The following MNS1 variants were observed in gnomAD, a reference collection of about 807,000 sequenced individuals.
MNS1 encodes the protein meiosis-specific nuclear structural protein 1.
A neutral mutation model predicts 72.0 loss-of-function variants in MNS1; 63 were observed. That is an observed-to-expected ratio of 0.87 (90% confidence interval 0.71 to 1.08). The LOEUF (loss-of-function observed/expected upper bound fraction) is 1.08. Among genes scored for constraint, MNS1 ranks in the 50% least tolerant of loss-of-function variants. The pLI is 0.00. For missense variants in MNS1, 604 were observed against 562.4 expected, an observed-to-expected ratio of 1.07 and a Z score of -0.75; for synonymous variants, 188 against 172.1, an observed-to-expected ratio of 1.09 and a Z score of -0.72.
intron 7 of MNS1, among the ~76,000 whole-genome samples, chr15:56,439,541 A>G (rs2050784009): frequency 1.3e-5 from 2 of 152,266 alleles, no homozygotes; most frequent in Admixed American, 6.5e-5. Flanking sequence ...AGAACAAAAT[A>G]GAGACCACAG....
At chr15:56,429,360 T>C (rs12439673) in intron 9 of MNS1, 167 bp from the exon 10 acceptor site, 25,868 of 547,308 alleles carry the variant, frequency 0.047, 825 homozygotes, top group Admixed American at 0.1. Flanking sequence ...AAAATAAGAC[T>C]TTACATATAT....
In MNS1 at chr15:56,456,480, T is replaced by A; in HGVS notation, c.267A>T (p.Gln89His). The A allele has an allele frequency of 1.2e-6, 2 of 1,612,472 alleles. No homozygotes were observed. The highest frequency in any genetic ancestry group is 1.3e-5 in the African/African-American group (1 of 74,964). ...CCAATTCCATAGCCAGTTTTTCTTC[T>A]TGTTTGAGCTGGAGTTCTTTCAATC... Reference protein sequence around the residue: ...NKRLKELQLKQEEKLAMELAK... With the variant: ...NKRLKELQLKHEEKLAMELAK... The change falls in exon 3 of 10, where the codon CAA becomes CAT. Residue 89 changes from glutamine (Q) to histidine (H), a missense_variant. By Grantham distance (24) the Gln-to-His change is conservative. Transcript: ENST00000260453.
intron 2 of MNS1, among the ~76,000 whole-genome samples, chr15:56,461,266 C>T (rs1351450869): frequency 1.3e-5 from 2 of 151,786 alleles, no homozygotes; most frequent in Non-Finnish European, 2.9e-5. Context: ...CTAGAAACCC[C>T]AAGGCCCAGT....
chr15:56,433,525 A>G (rs1439544141), intron 8 of MNS1, among the ~76,000 whole-genome samples: 3 of 152,160 alleles, frequency 2.0e-5, no homozygotes. Context: ...AGCCCCATCA[A>G]TTCCGTATCC....
chr15:56,452,320 A>C (rs2050952732), intron 3 of MNS1, among the ~76,000 whole-genome samples: 1 of 152,152 alleles, frequency 6.6e-6, no homozygotes, highest in African/African-American at 2.4e-5. Flanking sequence ...AACACACAGG[A>C]CACGCTTAAT....
chr15:56,463,767 G>A lies in MNS1; in HGVS notation c.225+259C>T, dbSNP rs1163493672. 9 of 402,302 alleles carry A rather than the reference G, an allele frequency of 2.2e-5. No individual in the cohort carries two copies. The East Asian group carries it at 2.8e-4, about 12-fold the overall frequency. 24.9% of individuals were successfully genotyped at this position (402,302 alleles called of 1,614,324 possible). A position where few individuals can be genotyped will look rare whatever the true frequency, so the allele number is the denominator to read the frequency against. On this transcript the variant is annotated intron_variant, in intron 2 of 9. Transcript: ENST00000260453. ...ACTGCACTGCAACCTGGGCGACAGA[G>A]CAAGACTCCATCCAAAAAAAAAAAA...
At chr15:56,456,553 C>G in intron 2 of MNS1, 32 bp from the exon 3 acceptor site, 2 of 1,591,040 alleles carry the variant, frequency 1.3e-6, no homozygotes, top group East Asian at 2.3e-5. Context: ...GTTGTTTGTC[C>G]TCTAGAATCA....
chr15:56,446,768 A>G (rs918195396), intron 4 of MNS1, 73 bp downstream of exon 4: 16 of 1,164,168 alleles, frequency 1.4e-5, no homozygotes, highest in Middle Eastern at 2.0e-4. Context: ...CAATATGACA[A>G]TTTTTTAAGA....
In MNS1 at chr15:56,438,514, C is replaced by T. The variant is rs563207808; in HGVS notation, c.1012-4119G>A. 3.9e-5 allele frequency among the ~76,000 whole-genome samples: 6 copies of T among 152,116 alleles called. No individual in the cohort carries two copies. The South Asian group carries it at 8.3e-4, about 21-fold the overall frequency. On this transcript the variant is annotated intron_variant, in intron 7 of 9. Transcript: ENST00000260453. Reference sequence around the variant, plus strand: ...TAATTCAGGATGGATTAAAGACTTACATGTTAGACCTAAAACCATAAAAAC... The same window carrying T: ...TAATTCAGGATGGATTAAAGACTTATATGTTAGACCTAAAACCATAAAAAC...
chr15:56,463,792 A>G (rs1330092915), intron 2 of MNS1: 1 of 468,392 alleles, frequency 2.1e-6, no homozygotes, highest in African/African-American at 2.0e-5. Flanking sequence ...AAAAAAAAAA[A>G]AAGTAAAAGC....
chr15:56,454,438 G>A (rs1284623107), intron 3 of MNS1, among the ~76,000 whole-genome samples: 1 of 152,062 alleles, frequency 6.6e-6, no homozygotes, highest in East Asian at 1.9e-4. Context: ...TGAAATACTA[G>A]GTCCTACTCA....
At chr15:56,448,203 G>C (rs2050921900) in intron 3 of MNS1, among the ~76,000 whole-genome samples, 1 of 152,142 alleles carries the variant, frequency 6.6e-6, no homozygotes, top group South Asian at 2.1e-4. Context: ...TGCACGTTCA[G>C]CGTTTTAAGA....
Position 56,428,949 on chromosome 15 carries a change from G to A in MNS1, c.*152C>T. 1 of 559,334 alleles carries A rather than the reference G, an allele frequency of 1.8e-6. No homozygotes were observed. The highest frequency in any genetic ancestry group is 3.1e-6 in the Non-Finnish European group (1 of 322,038). The allele number at this position is 559,334 out of a possible 1,614,324, so 34.6% of individuals were successfully genotyped here. ...GCTTGATTAAAATTAATTTGTATCTGATAATTGTTTACAAGTTATGAAATT... is the reference window on the plus strand; with the variant it reads ...GCTTGATTAAAATTAATTTGTATCTAATAATTGTTTACAAGTTATGAAATT... On this transcript the variant is annotated 3_prime_UTR_variant, in exon 10 of 10. Coordinates refer to ENST00000260453, the MANE Select transcript of MNS1 (RefSeq NM_018365.4).
At chr15:56,464,344 GA>G in intron 1 of MNS1, 97 bp from the exon 2 acceptor site, 1 of 879,462 alleles carries the variant, frequency 1.1e-6, no homozygotes, top group Non-Finnish European at 1.7e-6. Context: ...AGGATACGAA[GA>G]GCCTGGCTTC....
At chr15:56,461,184 C>T (rs1182612338) in intron 2 of MNS1, among the ~76,000 whole-genome samples, 6 of 152,078 alleles carry the variant, frequency 3.9e-5, no homozygotes, top group African/African-American at 1.4e-4. Context: ...TATACTCAGT[C>T]TATGGATTTA....
Position 56,465,042 on chromosome 15 carries a change from A to T in MNS1, c.-70T>A. ...ACCTCCCGCCGCAAACGCAGCAGCC[A>T]GCAGCCCCAAGGAGCGCACCTGGCT... On this transcript the variant is annotated 5_prime_UTR_variant, in exon 1 of 10. Transcript: ENST00000260453. 6.3e-7 allele frequency: 1 copy of T among 1,590,798 alleles called. No homozygotes were observed. The highest frequency in any genetic ancestry group is 8.5e-7 in the Non-Finnish European group (1 of 1,170,442).
In MNS1 at chr15:56,465,126, T is replaced by C. The variant is rs7164251; in HGVS notation, c.-154A>G. ...AACGGTGGAGCTGCGCGCCCTCCGC[T>C]CGACCAAAAGTGACCCACGCAGAAC... On this transcript the variant is annotated 5_prime_UTR_variant, in exon 1 of 10. Transcript: ENST00000260453. 9.1e-3 allele frequency: 9,089 copies of C among 999,522 alleles called. 535 individuals carry two copies. The African/African-American group carries it at 0.12, about 14-fold the overall frequency. The allele number at this position is 999,522 out of a possible 1,614,324, so 61.9% of individuals were successfully genotyped here.
At chr15:56,454,898 G>A (rs563340162) in intron 3 of MNS1, among the ~76,000 whole-genome samples, 1 of 152,090 alleles carries the variant, frequency 6.6e-6, no homozygotes, top group South Asian at 2.1e-4. Context: ...ATCTAATTCT[G>A]TATTATTGAA....
At chr15:56,435,667 G>A (rs568028995) in intron 7 of MNS1, among the ~76,000 whole-genome samples, 11 of 151,876 alleles carry the variant, frequency 7.2e-5, no homozygotes, top group South Asian at 2.1e-4. Flanking sequence ...TTAAGGAGAC[G>A]GAATTAATAA....
Sources: allele counts gnomAD v4.1 joint callset (sites outside exome capture counted in the v4.1 genomes callset), GRCh38; gene constraint gnomAD v4.1.1; transcripts MANE v1.5; gene names NCBI Gene and HGNC (gene_info 2026-07-23, HGNC 2026-07-21).